Variants in RETSAT observed in about 807,000 individuals in gnomAD.
The protein encoded by RETSAT is retinol saturase, also known as all-trans-retinol 13,14-reductase.
In RETSAT, 35 loss-of-function variants were observed where a neutral mutation model predicts 61.6. The ratio of observed to expected loss-of-function variants is 0.57; its 90% CI spans 0.43 to 0.75. RETSAT has a LOEUF of 0.75. Ranked by LOEUF, RETSAT falls within the 30% of genes least tolerant of loss-of-function variation. RETSAT has a pLI of 0.00. For synonymous variants in RETSAT, 277 were observed against 310.4 expected (o/e 0.89, Z 1.13); for missense variants, 670 against 759.5 (o/e 0.88, Z 1.38).
At chr2:85,349,621 G>A in intron 4 of RETSAT, 40 bp from the exon 5 acceptor site, 1 of 1,523,850 alleles carries the variant, frequency 6.6e-7, no homozygotes, top group Non-Finnish European at 9.1e-7. Flanking sequence ...GCAAGAGAAG[G>A]CACCAGCACC....
chr2:85,345,899 C>T (rs1337808444), intron 6 of RETSAT, 76 bp downstream of exon 6: 1 of 1,595,960 alleles, frequency 6.3e-7, no homozygotes, highest in Admixed American at 1.7e-5. Context: ...AAGCATGACC[C>T]ACACGGAGCA....
chr2:85,344,182 A>G lies in RETSAT; in HGVS notation c.1367-17T>C, dbSNP rs756163104. 6.8e-6 allele frequency: 11 copies of G among 1,613,962 alleles called. No homozygotes were observed. The highest frequency in any genetic ancestry group is 2.2e-5 in the South Asian group (2 of 91,076). ...TGGACCGGCCTGGGGATCAGAGCTG[A>G]TATTACTACTGCCCGGCCTCTCCCT... On this transcript the variant is annotated splice_polypyrimidine_tract_variant and intron_variant, in intron 8 of 10. Transcript: ENST00000295802.
chr2:85,349,367 C>T lies in RETSAT; in HGVS notation c.997+17G>A, dbSNP rs148892494. 33 of 1,613,380 alleles carry T rather than the reference C, an allele frequency of 2.0e-5. No individual in the cohort carries two copies. In the African/African-American group the frequency reaches 3.5e-4, roughly 17 times the overall value. On this transcript the variant is annotated intron_variant, in intron 5 of 10. Transcript: ENST00000295802. ...AACCCAGGGACCCAGAAGGGCAGGG[C>T]GGGGCAGGGCTCTCACCACAGGCTT...
In RETSAT at chr2:85,349,503, C is replaced by A; in HGVS notation, c.878G>T (p.Arg293Leu). 1 of 1,614,180 alleles carries A rather than the reference C, an allele frequency of 6.2e-7. No individual in the cohort carries two copies. Among genetic ancestry groups the A allele is most frequent in the Non-Finnish European group, 8.5e-7 (1 of 1,180,034 alleles). Residue 293 changes from arginine (R) to leucine (L), a missense_variant, in exon 5 of 11, where the codon CGA becomes CTA. By Grantham distance (102) the Arg-to-Leu change is moderately radical. Transcript: ENST00000295802. Reference protein sequence around the residue: ...NHYMKGGFYPRGGSSEIAFHT... With the variant: ...NHYMKGGFYPLGGSSEIAFHT... The stretch of plus-strand genomic sequence containing the variant: ...GAAGGCAATTTCACTGGAACCCCCT[C>A]GGGGATAAAAGCCTCCTTTCATGTA...
intron 5 of RETSAT, among the ~76,000 whole-genome samples, chr2:85,348,669 A>C (rs1017010567): frequency 6.6e-6 from 1 of 150,800 alleles, no homozygotes; most frequent in African/African-American, 2.4e-5. Flanking sequence ...GTCATAGATT[A>C]CTGGGTAAAT....
chr2:85,350,377 T>A (rs1683278315), intron 3 of RETSAT, 136 bp from the exon 4 acceptor site: 3 of 680,638 alleles, frequency 4.4e-6, no homozygotes, highest in South Asian at 1.9e-5. Context: ...TGAATATTTT[T>A]AAAAAATCTA....
At chr2:85,353,365 C>G (rs1558685106) in intron 1 of RETSAT, among the ~76,000 whole-genome samples, 1 of 152,214 alleles carries the variant, frequency 6.6e-6, no homozygotes, top group Admixed American at 6.5e-5. Context: ...ACCCAGGAGG[C>G]GGAAGTTGCG....
intron 5 of RETSAT, among the ~76,000 whole-genome samples, 172 bp downstream of exon 5, chr2:85,349,212 C>A (rs910901139): frequency 6.6e-6 from 1 of 152,094 alleles, no homozygotes; most frequent in African/African-American, 2.4e-5. Context: ...TTCCTGCTTC[C>A]TTTTTATTTC....
intron 6 of RETSAT, chr2:85,345,755 TG>T: frequency 1.5e-6 from 1 of 682,186 alleles, no homozygotes; most frequent in Non-Finnish European, 2.7e-6. Context: ...TTCAGCTGAG[TG>T]GCCTCAGGAC....
Position 85,350,136 on chromosome 2 carries a change from G to A in RETSAT, c.703C>T (p.Leu235Phe), listed in dbSNP as rs754481658. The A allele has an allele frequency of 6.2e-6, 10 of 1,614,046 alleles. No individual in the cohort carries two copies. The highest frequency in any genetic ancestry group is 1.1e-5 in the South Asian group (1 of 91,082). The change falls in exon 4 of 11, where the codon CTT (leucine) becomes TTT (phenylalanine). Residue 235 changes from leucine to phenylalanine, a missense_variant. Coordinates refer to ENST00000295802, the MANE Select transcript of RETSAT (RefSeq NM_017750.4). ...GCCAGGCTCTGGGTGGATGCTTGAA[G>A]GAATGGAGAGAAACGAGTCAGCAGC... Reference protein sequence around the residue: ...CGLLTRFSPFLQASTQSLAEV... With the variant: ...CGLLTRFSPFFQASTQSLAEV...
chr2:85,354,301 A>G lies in RETSAT; in HGVS notation c.172+35T>C, dbSNP rs768725416. 3.1e-6 allele frequency: 5 copies of G among 1,610,896 alleles called. No individual in the cohort carries two copies. The Admixed American group carries it at 5.1e-5, about 16-fold the overall frequency. ...AACCCAAATCTGTGAGAAAGCCTCG[A>G]GTGCAGCCCCGGACCCCAGGGTCCC... On this transcript the variant is annotated intron_variant, in intron 1 of 10. Coordinates refer to ENST00000295802, the MANE Select transcript of RETSAT (RefSeq NM_017750.4).
At chr2:85,352,388 T>C (rs912886551) in intron 1 of RETSAT, among the ~76,000 whole-genome samples, 9 of 151,852 alleles carry the variant, frequency 5.9e-5, no homozygotes, top group African/African-American at 1.9e-4. Flanking sequence ...GGACTACAGG[T>C]GCCCACCACC....
chr2:85,347,019 T>G (rs1329678003), intron 5 of RETSAT, among the ~76,000 whole-genome samples: 2 of 152,164 alleles, frequency 1.3e-5, no homozygotes, highest in African/African-American at 4.8e-5. Context: ...TACTTCTGGA[T>G]GCCTGAAAAC....
Position 85,344,242 on chromosome 2 carries a change from G to A in RETSAT, c.1363C>T (p.Pro455Ser), listed in dbSNP as rs144285075. ...AKDPTWEDRF[P>S]GRSTMIMLIP... ...CACCCGGGACGTGCAGCCCCACCTGGGAATCGGTCCTCCCAGGTCGGATCT... is the reference window on the plus strand; with the variant it reads ...CACCCGGGACGTGCAGCCCCACCTGAGAATCGGTCCTCCCAGGTCGGATCT... Residue 455 changes from proline to serine, a missense_variant, in exon 8 of 11, where the codon CCA (proline) becomes TCA (serine). Coordinates refer to ENST00000295802, the MANE Select transcript of RETSAT (RefSeq NM_017750.4). 1 of 1,613,994 alleles carries A rather than the reference G, an allele frequency of 6.2e-7. No homozygotes were observed. Among genetic ancestry groups the A allele is most frequent in the African/African-American group, 1.3e-5 (1 of 74,904 alleles).
chr2:85,349,468 G>A lies in RETSAT; in HGVS notation c.913C>T (p.Pro305Ser). 2 of 1,614,190 alleles carry A rather than the reference G, an allele frequency of 1.2e-6. No individual in the cohort carries two copies. Among genetic ancestry groups the A allele is most frequent in the Non-Finnish European group, 1.7e-6 (2 of 1,180,034 alleles). The change falls in exon 5 of 11, where the codon CCT becomes TCT. Residue 305 changes from proline (P) to serine (S), a missense_variant. Pro to Ser is a moderately conservative substitution (Grantham distance 74, BLOSUM62 -1). Coordinates refer to ENST00000295802, the MANE Select transcript of RETSAT (RefSeq NM_017750.4). ...GCGCCCCCAGCCCGCTGAATCACAGGGATGGTGTGGAAGGCAATTTCACTG... is the reference window on the plus strand; with the variant it reads ...GCGCCCCCAGCCCGCTGAATCACAGAGATGGTGTGGAAGGCAATTTCACTG... ...GSSEIAFHTI[P>S]VIQRAGGAVL...
At chr2:85,345,880 G>T in intron 6 of RETSAT, 95 bp downstream of exon 6, 1 of 1,518,324 alleles carries the variant, frequency 6.6e-7, no homozygotes, top group Non-Finnish European at 9.1e-7. Flanking sequence ...GGCCGGCCAA[G>T]AAGAGGAGAA....
intron 7 of RETSAT, 99 bp downstream of exon 7, chr2:85,344,495 A>G (rs766215954): frequency 4.7e-5 from 73 of 1,559,104 alleles, no homozygotes; most frequent in Non-Finnish European, 6.1e-5. Context: ...GGAGCAAATT[A>G]GAAATTGCCT....
At chr2:85,353,028 T>G (rs1683335066) in intron 1 of RETSAT, among the ~76,000 whole-genome samples, 1 of 152,194 alleles carries the variant, frequency 6.6e-6, no homozygotes, top group Admixed American at 6.5e-5. Flanking sequence ...TTAATGTTTT[T>G]AGAGAGATCA....
At position 85,351,407 on chromosome 2, in the gene RETSAT, GATTA is replaced by G. The variant is rs1683298060; in HGVS notation, c.355+269_355+272del. 6.6e-6 allele frequency: 3 copies of G among 456,954 alleles called. No individual in the cohort carries two copies. The South Asian group carries it at 8.9e-5, about 14-fold the overall frequency. The allele number at this position is 456,954 out of a possible 1,614,324, so 28.3% of individuals were successfully genotyped here. On this transcript the variant is annotated intron_variant, in intron 2 of 10. Coordinates refer to ENST00000295802, the MANE Select transcript of RETSAT (RefSeq NM_017750.4). ...CGGGGTGTGGTGGCCCACTTGGTGG[GATTA>G]CTGAGTGTAATCCCAGCCACTCGGG...
Sources: gnomAD v4.1 joint callset for allele counts (sites outside exome capture counted in the v4.1 genomes callset) on GRCh38, gnomAD v4.1.1 for gene constraint, MANE v1.5 for transcripts, NCBI Gene and HGNC (gene_info 2026-07-23, HGNC 2026-07-21) for gene names.